The following FMN2 variants were observed in gnomAD, a reference collection of about 807,000 sequenced individuals.
FMN2 encodes formin 2.
A neutral mutation model predicts 142.3 loss-of-function variants in FMN2; 51 were observed. That is an observed-to-expected ratio of 0.36 (90% confidence interval 0.29 to 0.45). The LOEUF (loss-of-function observed/expected upper bound fraction) is 0.45, where lower values mean the gene tolerates loss of function less well. Ranked by LOEUF, FMN2 falls within the 20% of genes least tolerant of loss-of-function variation. FMN2 has a pLI of 1.00. For missense variants in FMN2, 1,936 were observed against 2,122.8 expected, an observed-to-expected ratio of 0.91 and a Z score of 1.73; for synonymous variants, 882 against 869.8, an observed-to-expected ratio of 1.01 and a Z score of -0.25.
chr1:240,099,315 GT>G (rs542680747), intron 1 of FMN2, among the ~76,000 whole-genome samples: 1 of 145,850 alleles, frequency 6.9e-6, no homozygotes, highest in African/African-American at 2.5e-5. Flanking sequence ...GTTTTGTTTT[GT>G]TTTTTTTTGC....
At chr1:240,356,526 T>C (rs964816544) in intron 14 of FMN2, among the ~76,000 whole-genome samples, 1 of 152,042 alleles carries the variant, frequency 6.6e-6, no homozygotes, top group African/African-American at 2.4e-5. Context: ...AAGAAAAAAA[T>C]TTAACAGGAA....
chr1:240,427,437 C>T (rs987190989), intron 15 of FMN2, among the ~76,000 whole-genome samples: 2 of 151,774 alleles, frequency 1.3e-5, no homozygotes, highest in Non-Finnish European at 2.9e-5. Flanking sequence ...CATCTCCTGA[C>T]CTTGTGATCT....
intron 6 of FMN2, among the ~76,000 whole-genome samples, chr1:240,247,814 A>G (rs1453585253): frequency 6.6e-6 from 1 of 152,264 alleles, no homozygotes; most frequent in East Asian, 1.9e-4. Context: ...AATGTTTATT[A>G]TTGATACATA....
intron 6 of FMN2, among the ~76,000 whole-genome samples, chr1:240,242,914 C>T (rs935904471): frequency 3.9e-5 from 6 of 152,036 alleles, no homozygotes; most frequent in South Asian, 2.1e-4. Context: ...CTAGGCTGCC[C>T]GAGTAAAGAG....
At chr1:240,383,760 G>A (rs924916286) in intron 14 of FMN2, among the ~76,000 whole-genome samples, 1 of 151,838 alleles carries the variant, frequency 6.6e-6, no homozygotes, top group African/African-American at 2.4e-5. Flanking sequence ...CAAAAGAGAA[G>A]AAATCATTGT....
intron 8 of FMN2, among the ~76,000 whole-genome samples, chr1:240,320,935 G>A (rs1346359064): frequency 6.6e-6 from 1 of 152,138 alleles, no homozygotes; most frequent in African/African-American, 2.4e-5. Context: ...AGTTGTTGCT[G>A]TAATTCTTCA....
At chr1:240,125,809 A>G (rs2103224078) in intron 2 of FMN2, among the ~76,000 whole-genome samples, 1 of 152,276 alleles carries the variant, frequency 6.6e-6, no homozygotes, top group South Asian at 2.1e-4. Context: ...ACTCTTCCCC[A>G]TCATCTTATT....
intron 14 of FMN2, among the ~76,000 whole-genome samples, chr1:240,361,145 A>G (rs1363610642): frequency 4.9e-3 from 50 of 10,194 alleles, no homozygotes; most frequent in Admixed American, 0.018. Context: ...ATATGTGTAT[A>G]TATATATATA....
In FMN2 at chr1:240,207,443, TC is replaced by T. The variant is rs2103387429; in HGVS notation, c.2636del (p.Pro879HisfsTer8). 2 of 1,612,884 alleles carry T rather than the reference TC, an allele frequency of 1.2e-6. No individual in the cohort carries two copies. The highest frequency in any genetic ancestry group is 8.5e-7 in the Non-Finnish European group (1 of 1,179,530). ...SSMPGLGMVP[P>X]PPPPLPGMTV... The stretch of plus-strand genomic sequence containing the variant: ...CCATGCCTGGCCTGGGCATGGTGCC[TC>T]CCCCACCTCCCCCTCTCCCTGGCAT... On this transcript the variant is annotated frameshift_variant, in exon 5 of 18. Coordinates refer to ENST00000319653, the MANE Select transcript of FMN2 (RefSeq NM_020066.5). LOFTEE classifies it high-confidence loss of function.
chr1:240,237,221 G>A (rs191187816), intron 6 of FMN2, among the ~76,000 whole-genome samples: 28 of 152,296 alleles, frequency 1.8e-4, no homozygotes, highest in African/African-American at 6.0e-4. Context: ...ATTGCTGACT[G>A]TCCCTGTTGA....
chr1:240,312,112 G>A (rs1209777618), intron 8 of FMN2, among the ~76,000 whole-genome samples: 2 of 152,138 alleles, frequency 1.3e-5, no homozygotes, highest in African/African-American at 4.8e-5. Context: ...TTTTGTAGGC[G>A]GGTAGGTTCT....
chr1:240,150,435 A>G (rs1017335892), intron 2 of FMN2, among the ~76,000 whole-genome samples: 1 of 152,208 alleles, frequency 6.6e-6, no homozygotes, highest in Admixed American at 6.5e-5. Context: ...ACACAAGGAA[A>G]GTTTTTACAA....
chr1:240,140,227 A>G (rs1261043281), intron 2 of FMN2, among the ~76,000 whole-genome samples: 1 of 152,200 alleles, frequency 6.6e-6, no homozygotes, highest in Non-Finnish European at 1.5e-5. Context: ...AAAAACAAAC[A>G]AACTGTTTTC....
intron 6 of FMN2, among the ~76,000 whole-genome samples, chr1:240,245,862 C>T (rs1413556748): frequency 1.3e-5 from 2 of 152,124 alleles, no homozygotes; most frequent in African/African-American, 2.4e-5. Flanking sequence ...AATTCTGCCT[C>T]AGCCTGAGAG....
intron 2 of FMN2, among the ~76,000 whole-genome samples, chr1:240,158,123 AT>A (rs201295574): frequency 1.1e-4 from 16 of 150,760 alleles, no homozygotes; most frequent in African/African-American, 3.6e-4. Context: ...TACCTCTCTC[AT>A]TTTTTTTTCT....
intron 15 of FMN2, among the ~76,000 whole-genome samples, chr1:240,420,706 C>T (rs1265227756): frequency 6.6e-6 from 1 of 152,190 alleles, no homozygotes; most frequent in African/African-American, 2.4e-5. Context: ...CAGATTAGCT[C>T]TAGTGATGTC....
intron 2 of FMN2, among the ~76,000 whole-genome samples, chr1:240,169,950 G>A (rs1189282420): frequency 6.6e-6 from 1 of 152,184 alleles, no homozygotes; most frequent in East Asian, 1.9e-4. Context: ...ATATGGGTCT[G>A]CTGGCCTTGA....
intron 2 of FMN2, among the ~76,000 whole-genome samples, chr1:240,150,641 T>C (rs533791626): frequency 1.3e-5 from 2 of 152,316 alleles, no homozygotes; most frequent in South Asian, 2.1e-4. Flanking sequence ...AAAGTCAAAC[T>C]AAATCCCTCT....
intron 1 of FMN2, among the ~76,000 whole-genome samples, chr1:240,111,294 G>T (rs542691831): frequency 6.6e-6 from 1 of 152,278 alleles, no homozygotes; most frequent in South Asian, 2.1e-4. Context: ...CTAAGAGAGG[G>T]TTCTTGGATC....
Sources: gnomAD v4.1 joint callset for allele counts (sites outside exome capture counted in the v4.1 genomes callset) on GRCh38, gnomAD v4.1.1 for gene constraint, MANE v1.5 for transcripts, NCBI Gene and HGNC (gene_info 2026-07-23, HGNC 2026-07-21) for gene names.